KCNQ1OT1: variants seen among roughly 807,000 people sequenced by gnomAD.
KCNQ1OT1 encodes KCNQ1 antisense RNA 2 (non-protein coding).
chr11:2,660,904 G>T, exon 1 of KCNQ1OT1: 1 of 398,618 alleles, frequency 2.5e-6, no homozygotes, highest in East Asian at 3.6e-5. Flanking sequence ...TAATTAAGCA[G>T]CTTAAAACTA....
chr11:2,610,126 C>G (rs1456355984), exon 1 of KCNQ1OT1: 1 of 397,826 alleles, frequency 2.5e-6, no homozygotes, highest in Non-Finnish European at 4.4e-6. Context: ...CTAGTGACTA[C>G]TTTCTAATAT....
In KCNQ1OT1 at chr11:2,653,938, G is replaced by T; in HGVS notation, n.46057C>A. On this transcript the variant is annotated non_coding_transcript_exon_variant, in exon 1 of 1. Coordinates refer to ENST00000597346, the Ensembl canonical transcript of KCNQ1OT1. This position sits in a 1 kb window ranked among gnomAD's most constrained non-coding sequence, Gnocchi z 5.3. ...TCCCAGAAGCCAGGCCTGGCTGCTG[G>T]CAGGCAAAAACAACAGGTGTCCACT... 1 of 398,688 alleles carries T rather than the reference G, an allele frequency of 2.5e-6. No individual in the cohort carries two copies. Among genetic ancestry groups the T allele is most frequent in the Non-Finnish European group, 4.4e-6 (1 of 226,114 alleles). The allele number at this position is 398,688 out of a possible 1,614,324, so 24.7% of individuals were successfully genotyped here.
chr11:2,630,721 AT>A, exon 1 of KCNQ1OT1: 5 of 398,404 alleles, frequency 1.3e-5, no homozygotes, highest in African/African-American at 2.1e-5. Context: ...TCATCCTTCC[AT>A]TTAAGCCTGA....
chr11:2,689,231 A>G (rs1394040789), exon 1 of KCNQ1OT1: 1 of 398,630 alleles, frequency 2.5e-6, no homozygotes, highest in East Asian at 3.6e-5. Context: ...GTTTAGGCCA[A>G]GCTTTGAAGT....
chr11:2,641,275 A>G, exon 1 of KCNQ1OT1: 1 of 398,472 alleles, frequency 2.5e-6, no homozygotes, highest in Admixed American at 4.4e-5. Context: ...CATTCCCACC[A>G]ACAGTGTATA....
At position 2,673,930 on chromosome 11, in the gene KCNQ1OT1, T is replaced by C. The variant is rs1459560812; in HGVS notation, n.26065A>G. 6.5e-6 allele frequency: 2 copies of C among 309,188 alleles called. No individual in the cohort carries two copies. Among genetic ancestry groups the C allele is most frequent in the African/African-American group, 4.7e-5 (2 of 42,510 alleles). 19.2% of individuals were successfully genotyped at this position (309,188 alleles called of 1,614,324 possible). The stretch of plus-strand genomic sequence containing the variant: ...TCACCGGGTGCTAGACAAGGGAGTG[T>C]GTCTCTTTCCCCATGAGTGACAGCA... On this transcript the variant is annotated non_coding_transcript_exon_variant, in exon 1 of 1. Transcript: ENST00000597346. The surrounding 1 kb of genome is among the most constrained non-coding windows in gnomAD (Gnocchi z 4.5).
rs1849011803 is a variant in KCNQ1OT1 at position 2,613,378 on chromosome 11, G to T, written n.86617C>A. On this transcript the variant is annotated non_coding_transcript_exon_variant, in exon 1 of 1. Coordinates refer to ENST00000597346, the Ensembl canonical transcript of KCNQ1OT1. The surrounding 1 kb of genome is among the most constrained non-coding windows in gnomAD (Gnocchi z 4.8). ...TTGAAACATTAGGTTGCTGTGATGT[G>T]GGTTGCCTCCAATTATTTGCCACTG... 1 of 398,358 alleles carries T rather than the reference G, an allele frequency of 2.5e-6. No individual in the cohort carries two copies. Among genetic ancestry groups the T allele is most frequent in the Non-Finnish European group, 4.4e-6 (1 of 226,026 alleles). The allele number at this position is 398,358 out of a possible 1,614,324, so 24.7% of individuals were successfully genotyped here.
At chr11:2,643,044 T>A (rs895393822) in exon 1 of KCNQ1OT1, 123 of 397,890 alleles carry the variant, frequency 3.1e-4, no homozygotes, top group East Asian at 3.6e-5. Context: ...CAATTTAAAA[T>A]ATATATATAT....
chr11:2,651,209 T>A lies in KCNQ1OT1; in HGVS notation n.48786A>T, dbSNP rs1849751664. On this transcript the variant is annotated non_coding_transcript_exon_variant, in exon 1 of 1. Coordinates refer to ENST00000597346, the Ensembl canonical transcript of KCNQ1OT1. The surrounding 1 kb of genome is among the most constrained non-coding windows in gnomAD (Gnocchi z 6.1). ...GTTCCGACAGCTTCCTGTCACCCTG[T>A]CTTGTGTCAGTCTCACAGCACACAC... 2.0e-5 allele frequency: 8 copies of A among 398,716 alleles called. No homozygotes were observed. The highest frequency in any genetic ancestry group is 3.5e-5 in the Non-Finnish European group (8 of 226,112). 24.7% of individuals were successfully genotyped at this position (398,716 alleles called of 1,614,324 possible).
In KCNQ1OT1 at chr11:2,628,532, T is replaced by C. The variant is rs1015267014; in HGVS notation, n.71463A>G. On this transcript the variant is annotated non_coding_transcript_exon_variant, in exon 1 of 1. Coordinates refer to ENST00000597346, the Ensembl canonical transcript of KCNQ1OT1. ...TAGTTATATGAGTTCCTTATATATATTGGATATTAATAGCTTATCAGATAT... is the reference window on the plus strand; with the variant it reads ...TAGTTATATGAGTTCCTTATATATACTGGATATTAATAGCTTATCAGATAT... 4.0e-5 allele frequency: 16 copies of C among 398,366 alleles called. No homozygotes were observed. In the Admixed American group the frequency reaches 4.4e-4, roughly 11 times the overall value. 24.7% of individuals were successfully genotyped at this position (398,366 alleles called of 1,614,324 possible).
chr11:2,614,523 T>C, exon 1 of KCNQ1OT1: 1 of 398,516 alleles, frequency 2.5e-6, no homozygotes, highest in East Asian at 3.6e-5. Flanking sequence ...ACTCTTATTT[T>C]TTGGTCTCTG....
At chr11:2,689,319 G>T in exon 1 of KCNQ1OT1, 1 of 398,666 alleles carries the variant, frequency 2.5e-6, no homozygotes, top group Non-Finnish European at 4.4e-6. Context: ...GCCACCTCAG[G>T]ACTGCCCCTA....
chr11:2,622,639 T>A, exon 1 of KCNQ1OT1: 3 of 398,640 alleles, frequency 7.5e-6, no homozygotes, highest in Non-Finnish European at 1.3e-5. Context: ...CTGCCTTTTT[T>A]TGTGTTTGAT....
chr11:2,649,433 G>A (rs902845526), exon 1 of KCNQ1OT1: 1 of 398,376 alleles, frequency 2.5e-6, no homozygotes, highest in Non-Finnish European at 4.4e-6. Context: ...ACTTCCAGAT[G>A]TAGTACTCCC....
chr11:2,646,461 G>A (rs1849667866), exon 1 of KCNQ1OT1: 1 of 398,516 alleles, frequency 2.5e-6, no homozygotes, highest in Middle Eastern at 6.3e-4. Context: ...TATTGCAAAT[G>A]GGATTGCTTT....
exon 1 of KCNQ1OT1, chr11:2,636,582 T>C (rs1482090270): frequency 6.6e-6 from 1 of 152,084 alleles, no homozygotes; most frequent in Non-Finnish European, 1.5e-5. Flanking sequence ...CTGGATTCGG[T>C]TTGCCAGTAT....
exon 1 of KCNQ1OT1, chr11:2,619,813 C>A (rs1452011018): frequency 7.5e-6 from 3 of 397,640 alleles, no homozygotes; most frequent in Non-Finnish European, 8.9e-6. Flanking sequence ...AGTCATGAAG[C>A]TATCTGGTCC....
Position 2,691,512 on chromosome 11 carries a change from C to T in KCNQ1OT1, n.8483G>A, listed in dbSNP as rs575537291. 1.5e-5 allele frequency: 6 copies of T among 397,978 alleles called. No individual in the cohort carries two copies. The highest frequency in any genetic ancestry group is 1.2e-4 in the African/African-American group (6 of 48,120). 24.7% of individuals were successfully genotyped at this position (397,978 alleles called of 1,614,324 possible). Reference sequence around the variant, plus strand: ...CTATTCAAGGCCATTTTTCAGCTTGCTTGGCTTTGCATTAAAGTTGGGGGG... The same window carrying T: ...CTATTCAAGGCCATTTTTCAGCTTGTTTGGCTTTGCATTAAAGTTGGGGGG... On this transcript the variant is annotated non_coding_transcript_exon_variant, in exon 1 of 1. Transcript: ENST00000597346. This position sits in a 1 kb window ranked among gnomAD's most constrained non-coding sequence, Gnocchi z 6.4.
At chr11:2,648,260 C>G in exon 1 of KCNQ1OT1, 1 of 398,552 alleles carries the variant, frequency 2.5e-6, no homozygotes. Context: ...TACCTTTTAT[C>G]TCTATTTCAT....
Sources: gnomAD v4.1 joint callset for allele counts on GRCh38, gnomAD v4.1.1 for gene constraint, Gnocchi (gnomAD v3.1) non-coding constraint, MANE v1.5 for transcripts, NCBI Gene and HGNC (gene_info 2026-07-23, HGNC 2026-07-21) for gene names.